FPR3: variants seen among roughly 807,000 people sequenced by gnomAD.
FPR3 encodes the protein N-formyl peptide receptor 3.
For synonymous variants in FPR3, 135 were observed against 163.6 expected (o/e 0.83, Z 1.34); for missense variants, 346 against 443.2 (o/e 0.78, Z 1.97).
intron 1 of FPR3, among the ~76,000 whole-genome samples, chr19:51,821,518 T>C (rs1350714296): frequency 1.3e-5 from 2 of 152,126 alleles, no homozygotes; most frequent in Non-Finnish European, 2.9e-5. Flanking sequence ...AGTGCCAACG[T>C]TGAGAAACCT....
rs1599843273 is a variant in FPR3 at position 51,825,432 on chromosome 19, A to G, written c.*622A>G. ...TCTTTCCTCCAGTGTATAGGATGGG[A>G]TCCTCTCTGGGGAGGGTCTTAAGAC... is the stretch of plus-strand genomic sequence containing the variant. On this transcript the variant is annotated 3_prime_UTR_variant, in exon 2 of 2. Coordinates refer to ENST00000339223, the MANE Select transcript of FPR3 (RefSeq NM_002030.5). 1 of 166,810 alleles carries G rather than the reference A, an allele frequency of 6.0e-6. No homozygotes were observed. Among genetic ancestry groups the G allele is most frequent in the South Asian group, 2.1e-4 (1 of 4,830 alleles). 10.3% of individuals were successfully genotyped at this position (166,810 alleles called of 1,614,324 possible). A position where few individuals can be genotyped will look rare whatever the true frequency, so the allele number is the denominator to read the frequency against.
At chr19:51,800,462 G>A (rs1362029382) in intron 1 of FPR3, among the ~76,000 whole-genome samples, 2 of 152,236 alleles carry the variant, frequency 1.3e-5, no homozygotes, top group East Asian at 3.8e-4. Context: ...ACAGGCCTGG[G>A]TGGGAGAGGT....
chr19:51,809,575 G>A (rs2084083594), intron 1 of FPR3, among the ~76,000 whole-genome samples: 2 of 152,158 alleles, frequency 1.3e-5, no homozygotes. Context: ...TATTGTCCCA[G>A]CTCAAAACCC....
intron 1 of FPR3, 150 bp from the exon 2 acceptor site, chr19:51,823,589 G>A (rs576466867): frequency 3.0e-5 from 19 of 638,650 alleles, no homozygotes; most frequent in South Asian, 2.2e-4. Flanking sequence ...AAGGAACTCC[G>A]AGAGAGTGCC....
In FPR3 at chr19:51,821,035, C is replaced by T. The variant is rs116134560; in HGVS notation, c.-10-2704C>T. ...TCCTGACCTTGAGCTTCAAAAGGCACGACCCAGGATTGAGCCCCATGACAC... is the reference window on the plus strand; with the variant it reads ...TCCTGACCTTGAGCTTCAAAAGGCATGACCCAGGATTGAGCCCCATGACAC... On this transcript the variant is annotated intron_variant, in intron 1 of 1. Coordinates refer to ENST00000339223, the MANE Select transcript of FPR3 (RefSeq NM_002030.5). Among the ~76,000 whole-genome samples the T allele has an allele frequency of 9.0e-3, 1,365 of 152,244 alleles. 23 individuals carry two copies. Among genetic ancestry groups the T allele is most frequent in the African/African-American group, 0.031 (1,308 of 41,540 alleles).
rs1174088355 is a variant in FPR3 at position 51,825,675 on chromosome 19, G to A, written c.*865G>A. 6.0e-6 allele frequency: 1 copy of A among 167,066 alleles called. No homozygotes were observed. The highest frequency in any genetic ancestry group is 2.4e-5 in the African/African-American group (1 of 41,440). 10.3% of individuals were successfully genotyped at this position (167,066 alleles called of 1,614,324 possible). On this transcript the variant is annotated 3_prime_UTR_variant, in exon 2 of 2. Transcript: ENST00000339223. ...CCAGTCCTAACTTCATTTAACCTTG[G>A]TCACATTGAGTCATTCCAGGATGAG...
chr19:51,815,328 G>A (rs907468786), intron 1 of FPR3, among the ~76,000 whole-genome samples: 5 of 152,176 alleles, frequency 3.3e-5, no homozygotes, highest in African/African-American at 7.2e-5. Context: ...CTCGAAGGCC[G>A]AGGTGGGTGG....
intron 1 of FPR3, among the ~76,000 whole-genome samples, chr19:51,822,692 C>T (rs2084199263): frequency 6.6e-6 from 1 of 152,122 alleles, no homozygotes; most frequent in Admixed American, 6.6e-5. Context: ...TGATAAGAAC[C>T]CTACAAATAC....
rs200339914 is a variant in FPR3 at position 51,824,688 on chromosome 19, A to G, written c.940A>G (p.Ile314Val). 13 of 1,614,100 alleles carry G rather than the reference A, an allele frequency of 8.1e-6. No homozygotes were observed. In the Admixed American group the frequency reaches 8.3e-5, roughly 10 times the overall value. Residue 314 changes from isoleucine (I) to valine (V), a missense_variant, in exon 2 of 2, where the codon ATT becomes GTT. Transcript: ENST00000339223. This position sits in a 1 kb window ranked among gnomAD's most constrained non-coding sequence, Gnocchi z 4.7. ...GGGTCGTAACTTCCAAGAAAGACTG[A>G]TTCGCTCTTTGCCCACTAGTTTGGA... ...FMGRNFQERLIRSLPTSLERA... is the reference protein window; with the variant it reads ...FMGRNFQERLVRSLPTSLERA...
At chr19:51,799,870 G>A (rs570517681) in intron 1 of FPR3, among the ~76,000 whole-genome samples, 38 of 152,364 alleles carry the variant, frequency 2.5e-4, no homozygotes, top group African/African-American at 9.1e-4. Context: ...GGTCCGGCCT[G>A]TATTGGCTCT....
chr19:51,821,360 A>C (rs1299219677), intron 1 of FPR3, among the ~76,000 whole-genome samples: 2 of 152,160 alleles, frequency 1.3e-5, no homozygotes, highest in African/African-American at 4.8e-5. Flanking sequence ...GGGACCTTTG[A>C]CAATGTCTAT....
intron 1 of FPR3, among the ~76,000 whole-genome samples, chr19:51,816,637 GA>G (rs1167066576): frequency 2.0e-5 from 3 of 152,202 alleles, no homozygotes; most frequent in African/African-American, 7.2e-5. Flanking sequence ...CAAAGCTGAT[GA>G]GGGGGTCACA....
chr19:51,809,867 G>C (rs1192285694), intron 1 of FPR3, among the ~76,000 whole-genome samples: 1 of 152,138 alleles, frequency 6.6e-6, no homozygotes, highest in African/African-American at 2.4e-5. Context: ...CCTGGAACGG[G>C]GTTGAGGTCT....
At chr19:51,813,158 A>T (rs970871397) in intron 1 of FPR3, among the ~76,000 whole-genome samples, 64 of 149,314 alleles carry the variant, frequency 4.3e-4, no homozygotes, top group African/African-American at 1.6e-3. Context: ...ACACACACAC[A>T]CACCCCATAA....
intron 1 of FPR3, among the ~76,000 whole-genome samples, chr19:51,815,770 A>C: frequency 6.6e-6 from 1 of 151,716 alleles, no homozygotes; most frequent in Non-Finnish European, 1.5e-5. Flanking sequence ...CTGAGGCTGG[A>C]GAATCCCTTG....
rs1000968561 is a variant in FPR3, at chr19:51,797,307, C to A, written c.-11+1976C>A. On this transcript the variant is annotated intron_variant, in intron 1 of 1. Coordinates refer to ENST00000339223, the MANE Select transcript of FPR3 (RefSeq NM_002030.5). ...AGGAAAAGGAAGAATTAGAGACATT[C>A]TCTTTGGATGTTTGGCTGGAAATTC... Among the ~76,000 whole-genome samples, 6 of 144,850 alleles carry A rather than the reference C, an allele frequency of 4.1e-5. No individual in the cohort carries two copies. The East Asian group carries it at 8.5e-4, about 20-fold the overall frequency.
At chr19:51,817,260 C>CA (rs1264694791) in intron 1 of FPR3, among the ~76,000 whole-genome samples, 9 of 152,152 alleles carry the variant, frequency 5.9e-5, no homozygotes, top group Non-Finnish European at 7.3e-5. Flanking sequence ...AATCACAGGA[C>CA]ACCATTGGTT....
At chr19:51,804,866 G>A (rs2084047385) in intron 1 of FPR3, 1 of 152,196 alleles carries the variant, frequency 6.6e-6, no homozygotes, top group South Asian at 2.1e-4. Flanking sequence ...AAGGCCCTGA[G>A]CTTTACACGG....
At chr19:51,817,951 T>A (rs2084152928) in intron 1 of FPR3, 1 of 152,062 alleles carries the variant, frequency 6.6e-6, no homozygotes, top group African/African-American at 2.4e-5. Flanking sequence ...CAAATACAGC[T>A]TTTTTGTTTT....
Sources: gnomAD v4.1 joint callset for allele counts (sites outside exome capture counted in the v4.1 genomes callset) on GRCh38, gnomAD v4.1.1 for gene constraint, Gnocchi (gnomAD v3.1) non-coding constraint, MANE v1.5 for transcripts, NCBI Gene and HGNC (gene_info 2026-07-23, HGNC 2026-07-21) for gene names.